The following VPS13C variants were observed in gnomAD, a reference collection of about 807,000 sequenced individuals.
VPS13C encodes vacuolar protein sorting 13 homolog C.
VPS13C carries 358 observed loss-of-function variants against 456.8 expected under a neutral mutation model. That is an observed-to-expected ratio of 0.78 (90% CI 0.72 to 0.86). VPS13C has a LOEUF of 0.86. VPS13C is among the 40% of genes least tolerant of loss of function. VPS13C has a pLI of 0.00. For synonymous variants in VPS13C, 1,578 were observed against 1,486.7 expected (o/e 1.06, Z -1.41); for missense variants, 4,818 against 4,385.4 (o/e 1.10, Z -2.79).
At chr15:61,885,524 A>G (rs1014246424) in intron 67 of VPS13C, among the ~76,000 whole-genome samples, 1 of 152,148 alleles carries the variant, frequency 6.6e-6, no homozygotes, top group Non-Finnish European at 1.5e-5. Flanking sequence ...ACAAGTAAGA[A>G]CATTCAGCTT....
intron 17 of VPS13C, 88 bp from the exon 18 acceptor site, chr15:61,991,182 A>C: frequency 2.9e-6 from 3 of 1,017,146 alleles, no homozygotes; most frequent in Non-Finnish European, 4.4e-6. Context: ...AGTATCCTAA[A>C]ATCAACAGAC....
intron 12 of VPS13C, 128 bp from the exon 13 acceptor site, chr15:62,010,727 A>T: frequency 1.0e-6 from 1 of 995,388 alleles, no homozygotes; most frequent in African/African-American, 1.7e-5. Context: ...TAACAAAATC[A>T]CTACCAAAAA....
At position 61,878,738 on chromosome 15, in the gene VPS13C, C is replaced by T. The variant is rs562241298; in HGVS notation, c.10011G>A (p.Leu3337=). 3 of 1,599,352 alleles carry T rather than the reference C, an allele frequency of 1.9e-6. No homozygotes were observed. The highest frequency in any genetic ancestry group is 1.8e-5 in the Admixed American group (1 of 56,472). The change falls in exon 74 of 85, where the codon TTG becomes TTA. Residue 3337 remains leucine (L), a synonymous_variant. Transcript: ENST00000644861. ...HFHISPVKLH[L]SLSLGSGGEE... ...CACCTCCGGAACCCAAAGACAAACT[C>T]AAATGCAACTAAAAGAAAAATAATG...
At chr15:61,933,026 T>TA (rs980921183) in intron 49 of VPS13C, among the ~76,000 whole-genome samples, 6 of 151,992 alleles carry the variant, frequency 3.9e-5, no homozygotes, top group Non-Finnish European at 8.8e-5. Context: ...GGATGAAAGG[T>TA]AAAAAATCAA....
At chr15:61,993,315 A>G (rs753477680) in intron 16 of VPS13C, among the ~76,000 whole-genome samples, 108 of 152,214 alleles carry the variant, frequency 7.1e-4, no homozygotes, top group Non-Finnish European at 1.3e-3. Context: ...CCATATTCTT[A>G]GCTACCATAA....
chr15:61,950,171 TAAATC>T lies in VPS13C; in HGVS notation c.4596+182_4596+186del, dbSNP rs536627216. On this transcript the variant is annotated intron_variant, in intron 41 of 84. Coordinates refer to ENST00000644861, the MANE Select transcript of VPS13C (RefSeq NM_020821.3). ...ACTGGGAAACAATCTTTTCAGAACA[TAAATC>T]AACTTTTTGTAAGAACTTTATTCCA... is the stretch of plus-strand genomic sequence containing the variant. Among the ~76,000 whole-genome samples the T allele has an allele frequency of 2.5e-3, 385 of 152,298 alleles. 1 individual carries two copies. Among genetic ancestry groups the T allele is most frequent in the African/African-American group, 8.5e-3 (355 of 41,578 alleles).
chr15:61,942,065 G>T lies in VPS13C; in HGVS notation c.5151C>A (p.Asn1717Lys), dbSNP rs1392536282. Residue 1717 changes from asparagine to lysine, a missense_variant and splice_region_variant, in exon 46 of 85, where the codon AAC becomes AAA. By Grantham distance (94) the Asn-to-Lys change is moderately conservative. Coordinates refer to ENST00000644861, the MANE Select transcript of VPS13C (RefSeq NM_020821.3). ...TAGCAGTTTGGAAATTGTTGAGGAA[G>T]TTCTGTTGGAAGAGACAGATATTTA... ...YVHKFFMSLL[N>K]FLNNFQTAKE... The T allele has an allele frequency of 1.3e-6, 2 of 1,573,426 alleles. No homozygotes were observed. The highest frequency in any genetic ancestry group is 1.4e-5 in the African/African-American group (1 of 73,974).
chr15:62,017,379 G>C (rs1242110056), intron 9 of VPS13C, among the ~76,000 whole-genome samples: 1 of 152,046 alleles, frequency 6.6e-6, no homozygotes, highest in Non-Finnish European at 1.5e-5. Context: ...GTCCTGAATG[G>C]TATTGCCTAG....
Position 61,911,941 on chromosome 15 carries a change from A to C in VPS13C, c.8614T>G (p.Cys2872Gly), listed in dbSNP as rs769198234. Residue 2872 changes from cysteine (C) to glycine (G), a missense_variant, in exon 63 of 85, where the codon TGT becomes GGT. Cys to Gly is a radical substitution (Grantham distance 159). Coordinates refer to ENST00000644861, the MANE Select transcript of VPS13C (RefSeq NM_020821.3). ...AATGATGACTTGTTTGCAATGGTACAAAAGGGAGTCAGGGTAACTATTCGT... is the reference window on the plus strand; with the variant it reads ...AATGATGACTTGTTTGCAATGGTACCAAAGGGAGTCAGGGTAACTATTCGT... ...LSRIVTLTPF[C>G]TIANKSSLEL... 3 of 1,612,612 alleles carry C rather than the reference A, an allele frequency of 1.9e-6. No individual in the cohort carries two copies. The highest frequency in any genetic ancestry group is 3.3e-5 in the Admixed American group (2 of 59,970).
chr15:62,023,325 G>A, intron 8 of VPS13C, 86 bp downstream of exon 8: 2 of 773,868 alleles, frequency 2.6e-6, no homozygotes, highest in Non-Finnish European at 1.9e-6. Flanking sequence ...ATTTAAAAAT[G>A]GGCACAGATA....
chr15:61,946,285 TA>T, intron 44 of VPS13C, 21 bp downstream of exon 44: 1 of 1,542,146 alleles, frequency 6.5e-7, no homozygotes, highest in Non-Finnish European at 8.8e-7. Flanking sequence ...AATTCCAATA[TA>T]AAAATCTATT....
At chr15:62,042,890 A>G (rs2048286636) in intron 2 of VPS13C, among the ~76,000 whole-genome samples, 1 of 151,508 alleles carries the variant, frequency 6.6e-6, no homozygotes, top group Non-Finnish European at 1.5e-5. Flanking sequence ...CATTGGGCAC[A>G]TGTACCCTAG....
At chr15:61,893,994 G>C (rs1192274724) in intron 66 of VPS13C, among the ~76,000 whole-genome samples, 1 of 152,016 alleles carries the variant, frequency 6.6e-6, no homozygotes, top group African/African-American at 2.4e-5. Flanking sequence ...AAAGAAGAAA[G>C]AAAGAGGGGC....
In VPS13C at chr15:61,972,900, T is replaced by A. The variant is rs2045598017; in HGVS notation, c.2618-136A>T. On this transcript the variant is annotated intron_variant, in intron 26 of 84. Transcript: ENST00000644861. ...CATATTCAGCATCAGAATAGCTGCC[T>A]TTTTTAAACTTCTACCAAGTGACTC... 6.8e-6 allele frequency: 6 copies of A among 886,854 alleles called. No homozygotes were observed. In the South Asian group the frequency reaches 9.3e-5, roughly 14 times the overall value. 54.9% of individuals were successfully genotyped at this position (886,854 alleles called of 1,614,324 possible).
At chr15:61,960,608 C>T (rs1228424392) in intron 35 of VPS13C, among the ~76,000 whole-genome samples, 2 of 152,060 alleles carry the variant, frequency 1.3e-5, no homozygotes, top group South Asian at 2.1e-4. Flanking sequence ...GATGTCTATT[C>T]TCAAATGATT....
Position 61,913,334 on chromosome 15 carries a change from G to T in VPS13C, c.8527C>A (p.Pro2843Thr), listed in dbSNP as rs769860015. 5.5e-5 allele frequency: 89 copies of T among 1,613,896 alleles called. No individual in the cohort carries two copies. In the Admixed American group the frequency reaches 1.4e-3, roughly 26 times the overall value. The change falls in exon 62 of 85, where the codon CCT (proline) becomes ACT (threonine). Residue 2843 changes from proline to threonine, a missense_variant. Pro to Thr is a conservative substitution (Grantham distance 38, BLOSUM62 -1). This residue lies in a region of VPS13C where 4,552 missense variants were observed against 4,130.6 expected (regional missense o/e 1.10). Coordinates refer to ENST00000644861, the MANE Select transcript of VPS13C (RefSeq NM_020821.3). ...TVGSYGCVKC[P>T]ANNMEYLVGV... ...ACCAGGTACTCCATATTGTTGGCAG[G>T]ACACTTCACACACCCATAACTTCCC...
intron 66 of VPS13C, among the ~76,000 whole-genome samples, chr15:61,903,158 T>G (rs910145481): frequency 1.3e-5 from 2 of 151,756 alleles, no homozygotes; most frequent in African/African-American, 4.8e-5. Flanking sequence ...AAACTCCGTC[T>G]CTACAGAAAA....
At chr15:61,900,383 T>C (rs1245883837) in intron 66 of VPS13C, among the ~76,000 whole-genome samples, 2 of 152,120 alleles carry the variant, frequency 1.3e-5, no homozygotes, top group Non-Finnish European at 2.9e-5. Flanking sequence ...CAGCCCAAAA[T>C]CTCCTTAAGC....
chr15:61,939,419 T>G (rs1356077798), intron 47 of VPS13C, among the ~76,000 whole-genome samples: 1 of 152,218 alleles, frequency 6.6e-6, no homozygotes, highest in Non-Finnish European at 1.5e-5. Context: ...AGCTTCAATT[T>G]TAACTTCTTC....
Sources: allele counts gnomAD v4.1 joint callset (sites outside exome capture counted in the v4.1 genomes callset), GRCh38; gene constraint gnomAD v4.1.1; regional missense constraint gnomAD v4.1.1; transcripts MANE v1.5; gene names NCBI Gene and HGNC (gene_info 2026-07-23, HGNC 2026-07-21).